PPM1E: variants seen among roughly 807,000 people sequenced by gnomAD.
PPM1E encodes protein phosphatase, Mg2+/Mn2+ dependent 1E.
Under a neutral mutation model 65.9 loss-of-function variants are expected in PPM1E, and 20 were observed. The observed-to-expected ratio is 0.30, with a 90% CI of 0.21 to 0.44. PPM1E has a LOEUF of 0.44. Ranked by LOEUF, PPM1E falls within the 20% of genes least tolerant of loss-of-function variation. The pLI is 1.00. For synonymous variants in PPM1E, 352 were observed against 374.9 expected, an observed-to-expected ratio of 0.94 and a Z score of 0.70; for missense variants, 713 against 953.1, an observed-to-expected ratio of 0.75 and a Z score of 3.32.
chr17:58,873,018 C>T (rs1453745893), intron 1 of PPM1E, among the ~76,000 whole-genome samples: 3 of 152,180 alleles, frequency 2.0e-5, no homozygotes, highest in African/African-American at 7.2e-5. Context: ...GCTACTGGCT[C>T]AGGTCATAGA....
intron 1 of PPM1E, among the ~76,000 whole-genome samples, chr17:58,848,727 A>G (rs1274183430): frequency 6.6e-6 from 1 of 152,132 alleles, no homozygotes; most frequent in Non-Finnish European, 1.5e-5. Flanking sequence ...TATTGGTCTA[A>G]AATTCTCTTC....
intron 1 of PPM1E, among the ~76,000 whole-genome samples, chr17:58,841,462 C>T (rs1307096447): frequency 6.6e-6 from 1 of 151,968 alleles, no homozygotes; most frequent in Non-Finnish European, 1.5e-5. Context: ...GGCACTTTAT[C>T]TCTGTGATCT....
rs564720386 is a variant in PPM1E at position 58,827,023 on chromosome 17, G to A, written c.464+70562G>A. Among the ~76,000 whole-genome samples the A allele has an allele frequency of 2.0e-5, 3 of 151,942 alleles. No homozygotes were observed. In the South Asian group the frequency reaches 6.2e-4, roughly 32 times the overall value. Reference sequence around the variant, plus strand: ...GACCCATTTAAAACTCTCTTTCTCGGTCTTCTTTGTAATAAGTTGCATGCT... The same window carrying A: ...GACCCATTTAAAACTCTCTTTCTCGATCTTCTTTGTAATAAGTTGCATGCT... On this transcript the variant is annotated intron_variant, in intron 1 of 6. Coordinates refer to ENST00000308249, the MANE Select transcript of PPM1E (RefSeq NM_014906.5).
intron 4 of PPM1E, 61 bp from the exon 5 acceptor site, chr17:58,972,071 C>G: frequency 6.7e-7 from 1 of 1,502,310 alleles, no homozygotes. Flanking sequence ...AATTGCTTCT[C>G]AATAAGAATG....
intron 1 of PPM1E, among the ~76,000 whole-genome samples, chr17:58,784,791 G>A (rs2050083367): frequency 6.6e-6 from 1 of 152,084 alleles, no homozygotes; most frequent in Non-Finnish European, 1.5e-5. Context: ...CCAAAGTGCT[G>A]GGATTACAGG....
At chr17:58,906,920 T>C (rs901173352) in intron 1 of PPM1E, among the ~76,000 whole-genome samples, 5 of 152,224 alleles carry the variant, frequency 3.3e-5, no homozygotes, top group Non-Finnish European at 5.9e-5. Context: ...TGAAAATTTT[T>C]CTTTGATTCA....
intron 1 of PPM1E, among the ~76,000 whole-genome samples, chr17:58,874,097 G>T (rs1187638154): frequency 1.3e-5 from 2 of 152,136 alleles, no homozygotes; most frequent in Admixed American, 6.5e-5. Context: ...GATCTAATTG[G>T]AGGTTGTTGG....
At chr17:58,762,624 G>A (rs1436158851) in intron 1 of PPM1E, among the ~76,000 whole-genome samples, 9 of 152,102 alleles carry the variant, frequency 5.9e-5, no homozygotes, top group Non-Finnish European at 1.2e-4. Context: ...TGGGCCGGGC[G>A]CGGTGGCTCA....
At chr17:58,790,587 T>TA (rs1351451798) in intron 1 of PPM1E, among the ~76,000 whole-genome samples, 6 of 152,192 alleles carry the variant, frequency 3.9e-5, no homozygotes, top group Admixed American at 3.9e-4. Context: ...CTTAAGGCTG[T>TA]AAAGCTTGTG....
At chr17:58,933,711 G>T (rs539387242) in intron 1 of PPM1E, among the ~76,000 whole-genome samples, 22 of 151,144 alleles carry the variant, frequency 1.5e-4, no homozygotes, top group African/African-American at 5.1e-4. Context: ...CAGGAGAATC[G>T]CTTGAACCTG....
intron 1 of PPM1E, among the ~76,000 whole-genome samples, chr17:58,833,428 G>T (rs779587383): frequency 1.3e-5 from 2 of 151,164 alleles, no homozygotes; most frequent in Non-Finnish European, 2.9e-5. Context: ...CCGTTTTTAT[G>T]TCCATGAGTA....
chr17:58,876,466 A>G (rs1395465125), intron 1 of PPM1E, among the ~76,000 whole-genome samples: 1 of 152,188 alleles, frequency 6.6e-6, no homozygotes, highest in African/African-American at 2.4e-5. Context: ...TCTGAGAGTG[A>G]TAATTTGAAA....
chr17:58,837,355 A>ACACACACACACG, intron 1 of PPM1E, among the ~76,000 whole-genome samples: 1 of 151,228 alleles, frequency 6.6e-6, no homozygotes, highest in South Asian at 2.1e-4. Context: ...ACACACACAC[A>ACACACACACACG]CACACTAAAT....
chr17:58,984,029 G>A lies in PPM1E; in HGVS notation c.*2998G>A, dbSNP rs1000968741. The A allele has an allele frequency of 1.3e-5, 2 of 152,520 alleles. No individual in the cohort carries two copies. Among genetic ancestry groups the A allele is most frequent in the African/African-American group, 4.8e-5 (2 of 41,414 alleles). 9.4% of individuals were successfully genotyped at this position (152,520 alleles called of 1,614,324 possible). A position where few individuals can be genotyped will look rare whatever the true frequency, so the allele number is the denominator to read the frequency against. Reference sequence around the variant, plus strand: ...GGCAACATTACAGCAACACACACTGGGGCTATTAATCCCATTTAGGTCTGT... The same window carrying A: ...GGCAACATTACAGCAACACACACTGAGGCTATTAATCCCATTTAGGTCTGT... On this transcript the variant is annotated 3_prime_UTR_variant, in exon 7 of 7. Coordinates refer to ENST00000308249, the MANE Select transcript of PPM1E (RefSeq NM_014906.5).
At chr17:58,817,896 C>T (rs2050442051) in intron 1 of PPM1E, among the ~76,000 whole-genome samples, 1 of 152,206 alleles carries the variant, frequency 6.6e-6, no homozygotes, top group East Asian at 1.9e-4. Context: ...GGACTACAGG[C>T]GTCCGCCACC....
chr17:58,810,938 A>G (rs7218362), intron 1 of PPM1E, among the ~76,000 whole-genome samples: 50,445 of 151,782 alleles, frequency 0.33, 8,893 homozygotes, highest in East Asian at 0.49. Flanking sequence ...GCTCTGTGCA[A>G]CTTCCACCTC....
At chr17:58,965,468 C>G (rs975358802) in intron 2 of PPM1E, among the ~76,000 whole-genome samples, 1 of 152,090 alleles carries the variant, frequency 6.6e-6, no homozygotes, top group African/African-American at 2.4e-5. Flanking sequence ...GTTTTCTCCT[C>G]ATGACATAAG....
chr17:58,855,464 T>G (rs1224048635), intron 1 of PPM1E, among the ~76,000 whole-genome samples: 10 of 152,210 alleles, frequency 6.6e-5, no homozygotes, highest in Non-Finnish European at 1.5e-5. Flanking sequence ...TTCCTCCACA[T>G]CTTACTACCA....
chr17:58,863,381 G>C (rs7215808), intron 1 of PPM1E, among the ~76,000 whole-genome samples: 96,851 of 152,084 alleles, frequency 0.64, 31,228 homozygotes, highest in African/African-American at 0.71. Context: ...ATGCTGGAAC[G>C]AGCCGGCCAC....
Sources: allele counts gnomAD v4.1 joint callset (sites outside exome capture counted in the v4.1 genomes callset), GRCh38; gene constraint gnomAD v4.1.1; transcripts MANE v1.5; gene names NCBI Gene and HGNC (gene_info 2026-07-23, HGNC 2026-07-21).